KBTBD13: variants seen among roughly 807,000 people sequenced by gnomAD.
The protein encoded by KBTBD13 is kelch repeat and BTB domain-containing protein 13.
A neutral mutation model predicts 25.4 loss-of-function variants in KBTBD13; 32 were observed. That is an observed-to-expected ratio of 1.26 (90% CI 0.95 to 1.69). The LOEUF (loss-of-function observed/expected upper bound fraction) is 1.69, where lower values mean the gene tolerates loss of function less well. Ranked by LOEUF, KBTBD13 falls within the 40% of genes most tolerant of loss-of-function variation. The probability of loss-of-function intolerance (pLI) is 0.00; values close to 1 mark genes in which losing one functional copy is unlikely to be tolerated. For synonymous variants in KBTBD13, 436 were observed against 329.8 expected (o/e 1.32, Z -3.49); for missense variants, 898 against 679.5 (o/e 1.32, Z -3.57).
Position 65,078,031 on chromosome 15 carries a change from G to C in KBTBD13, c.1216G>C (p.Val406Leu). 1 of 1,604,076 alleles carries C rather than the reference G, an allele frequency of 6.2e-7. No homozygotes were observed. The highest frequency in any genetic ancestry group is 8.5e-7 in the Non-Finnish European group (1 of 1,179,578). The change falls in exon 1 of 1, where the codon GTC becomes CTC. Residue 406 changes from valine to leucine, a missense_variant. Transcript: ENST00000432196. ...GGTGCGCGGTGACACCGTCTATACG[G>C]TCAACCGCATGTTCACGCTGCTCTA... ...AVVRGDTVYTVNRMFTLLYAI... is the reference protein window; with the variant it reads ...AVVRGDTVYTLNRMFTLLYAI...
Position 65,077,155 on chromosome 15 carries a change from GCCGCCTTCGGCCTGC to G in KBTBD13, c.341_355del (p.Ala114_Arg119delinsGly). The G allele has an allele frequency of 6.6e-7, 1 of 1,509,298 alleles. No individual in the cohort carries two copies. The highest frequency in any genetic ancestry group is 8.8e-7 in the Non-Finnish European group (1 of 1,134,150). The allele number at this position is 1,509,298 out of a possible 1,614,324, so 93.5% of individuals were successfully genotyped here. A position where few individuals can be genotyped will look rare whatever the true frequency, so the allele number is the denominator to read the frequency against. On this transcript the variant is annotated inframe_deletion, in exon 1 of 1. Transcript: ENST00000432196. ...CTGCGCATTGCTGTGCGACGCGGCC[GCCGCCTTCGGCCTGC>G]GCGACGTGTTCCACAGTGCCGCGCT...
In KBTBD13 at chr15:65,077,661, G is replaced by C; in HGVS notation, c.846G>C (p.Ala282=). The C allele has an allele frequency of 6.3e-7, 1 of 1,587,466 alleles. No individual in the cohort carries two copies. Among genetic ancestry groups the C allele is most frequent in the Non-Finnish European group, 8.5e-7 (1 of 1,172,090 alleles). Residue 282 remains alanine, a synonymous_variant, in exon 1 of 1, where the codon GCG becomes GCC. Transcript: ENST00000432196. ...CCGTGGAGCGCTACGACCCAGCCGC[G>C]GGCTGCTGGAGTTTCGTGGCCGACC... ...ISSVERYDPA[A]GCWSFVADLP... is the part of the protein sequence containing the mutation.
At position 65,077,042 on chromosome 15, in the gene KBTBD13, A is replaced by C; in HGVS notation, c.227A>C (p.Asp76Ala). 1 of 1,502,030 alleles carries C rather than the reference A, an allele frequency of 6.7e-7. No individual in the cohort carries two copies. Among genetic ancestry groups the C allele is most frequent in the Non-Finnish European group, 8.9e-7 (1 of 1,128,706 alleles). The allele number at this position is 1,502,030 out of a possible 1,614,324, so 93.0% of individuals were successfully genotyped here. The stretch of plus-strand genomic sequence containing the variant: ...GACCGGCCGGCGCTGGCGGCGGAGG[A>C]CGAGCTGCTGCAGGCCGTGGAGTGC... ...RGDRPALAAE[D>A]ELLQAVECAA... Residue 76 changes from aspartate (D) to alanine (A), a missense_variant, in exon 1 of 1, where the codon GAC becomes GCC. Physicochemically the swap from Asp to Ala is moderately radical, Grantham distance 126. Transcript: ENST00000432196.
chr15:65,078,552 T>G lies in KBTBD13; in HGVS notation c.*360T>G, dbSNP rs934428560. On this transcript the variant is annotated 3_prime_UTR_variant, in exon 1 of 1. Coordinates refer to ENST00000432196, the MANE Select transcript of KBTBD13 (RefSeq NM_001101362.3). Reference sequence around the variant, plus strand: ...TAGTAGGCAAGAATTAGGCACCTACTGTATGCCCAATACAGTGTTATGCGT... The same window carrying G: ...TAGTAGGCAAGAATTAGGCACCTACGGTATGCCCAATACAGTGTTATGCGT... 1.3e-5 allele frequency among the ~76,000 whole-genome samples: 2 copies of G among 152,220 alleles called. No individual in the cohort carries two copies. Among genetic ancestry groups the G allele is most frequent in the Admixed American group, 1.3e-4 (2 of 15,286 alleles).
chr15:65,076,759 A>G lies in KBTBD13; in HGVS notation c.-57A>G. The G allele has an allele frequency of 6.9e-7, 1 of 1,453,280 alleles. No homozygotes were observed. 90.0% of individuals were successfully genotyped at this position (1,453,280 alleles called of 1,614,324 possible). A position where few individuals can be genotyped will look rare whatever the true frequency, so the allele number is the denominator to read the frequency against. On this transcript the variant is annotated 5_prime_UTR_variant, in exon 1 of 1. Transcript: ENST00000432196. ...GTTTTTTGCTCCAGGGGAGCCCCAG[A>G]GTTGGTGGCTGGCTAACCCAAGGCC...
In KBTBD13 at chr15:65,077,062, G is replaced by A. The variant is rs781438362; in HGVS notation, c.247G>A (p.Glu83Lys). The A allele has an allele frequency of 2.6e-6, 4 of 1,512,780 alleles. No individual in the cohort carries two copies. In the South Asian group the frequency reaches 3.7e-5, roughly 14 times the overall value. 93.7% of individuals were successfully genotyped at this position (1,512,780 alleles called of 1,614,324 possible). A position where few individuals can be genotyped will look rare whatever the true frequency, so the allele number is the denominator to read the frequency against. The part of the protein sequence containing the change: ...AAEDELLQAV[E>K]CAAFLQAPAL... ...GGAGGACGAGCTGCTGCAGGCCGTG[G>A]AGTGCGCCGCCTTCCTCCAGGCGCC... The change falls in exon 1 of 1, where the codon GAG (glutamate) becomes AAG (lysine). Residue 83 changes from glutamate to lysine, a missense_variant. Coordinates refer to ENST00000432196, the MANE Select transcript of KBTBD13 (RefSeq NM_001101362.3).
chr15:65,077,688 G>A lies in KBTBD13; in HGVS notation c.873G>A (p.Leu291=). ...GCTGCTGGAGTTTCGTGGCCGACCT[G>A]CCGCAGCCGGCCGCCGGCGTGCCCT... ...AAGCWSFVAD[L]PQPAAGVPCA... Residue 291 remains leucine, a synonymous_variant, in exon 1 of 1, where the codon CTG becomes CTA. Coordinates refer to ENST00000432196, the MANE Select transcript of KBTBD13 (RefSeq NM_001101362.3). 6.3e-7 allele frequency: 1 copy of A among 1,576,854 alleles called. No individual in the cohort carries two copies. Among genetic ancestry groups the A allele is most frequent in the Non-Finnish European group, 8.6e-7 (1 of 1,166,986 alleles).
Position 65,077,773 on chromosome 15 carries a change from G to C in KBTBD13, c.958G>C (p.Val320Leu), listed in dbSNP as rs367648853. The C allele has an allele frequency of 3.8e-6, 6 of 1,582,998 alleles. No homozygotes were observed. The highest frequency in any genetic ancestry group is 1.8e-5 in the Admixed American group (1 of 56,478). ...CLWRPADTTA[V>L]VEYAVRTDAW... ...GTGGCGGCCGGCCGACACCACCGCC[G>C]TGGTGGAGTACGCAGTGCGGACCGA... The change falls in exon 1 of 1, where the codon GTG becomes CTG. Residue 320 changes from valine to leucine, a missense_variant. Val to Leu is a conservative substitution (Grantham distance 32). Transcript: ENST00000432196.
chr15:65,077,365 G>C lies in KBTBD13; in HGVS notation c.550G>C (p.Glu184Gln). 1 of 1,504,592 alleles carries C rather than the reference G, an allele frequency of 6.6e-7. No individual in the cohort carries two copies. Among genetic ancestry groups the C allele is most frequent in the Admixed American group, 2.1e-5 (1 of 48,134 alleles). The allele number at this position is 1,504,592 out of a possible 1,614,324, so 93.2% of individuals were successfully genotyped here. A position where few individuals can be genotyped will look rare whatever the true frequency, so the allele number is the denominator to read the frequency against. The change falls in exon 1 of 1, where the codon GAG (glutamate) becomes CAG (glutamine). Residue 184 changes from glutamate (E) to glutamine (Q), a missense_variant. Coordinates refer to ENST00000432196, the MANE Select transcript of KBTBD13 (RefSeq NM_001101362.3). ...CACGCTGTGTTACCTGGACGAGGAA[G>C]AGGACGCGTGGCGCACGCTGGCTGC... ...SRTLCYLDEE[E>Q]DAWRTLAALP...
rs755476256 is a variant in KBTBD13 at position 65,078,106 on chromosome 15, C to T, written c.1291C>T (p.Pro431Ser). ...GCTGCTCAGGGAGAAAGCCGGCTTC[C>T]CGCGGCCCGGCTCCTTGCAGACCTT... The part of the protein sequence containing the change: ...WRLLREKAGF[P>S]RPGSLQTFLL... Residue 431 changes from proline to serine, a missense_variant, in exon 1 of 1, where the codon CCG (proline) becomes TCG (serine). Pro to Ser is a moderately conservative substitution (Grantham distance 74). Coordinates refer to ENST00000432196, the MANE Select transcript of KBTBD13 (RefSeq NM_001101362.3). 1.1e-5 allele frequency: 18 copies of T among 1,580,188 alleles called. No individual in the cohort carries two copies. The highest frequency in any genetic ancestry group is 3.4e-5 in the South Asian group (3 of 87,756).
Position 65,077,145 on chromosome 15 carries a change from C to G in KBTBD13, c.330C>G (p.Cys110Trp). Residue 110 changes from cysteine to tryptophan, a missense_variant, in exon 1 of 1, where the codon TGC becomes TGG. Transcript: ENST00000432196. ...CGTCGGACAACTGCGCATTGCTGTG[C>G]GACGCGGCCGCCGCCTTCGGCCTGC... Reference protein sequence around the residue: ...NLTSDNCALLCDAAAAFGLRD... With the variant: ...NLTSDNCALLWDAAAAFGLRD... 6.6e-7 allele frequency: 1 copy of G among 1,514,686 alleles called. No individual in the cohort carries two copies. Among genetic ancestry groups the G allele is most frequent in the South Asian group, 1.2e-5 (1 of 81,874 alleles). 93.8% of individuals were successfully genotyped at this position (1,514,686 alleles called of 1,614,324 possible).
rs1240658688 is a variant in KBTBD13 at position 65,077,056 on chromosome 15, GC to G, written c.243del (p.Val82TrpfsTer79). 14 of 1,513,312 alleles carry G rather than the reference GC, an allele frequency of 9.3e-6. No homozygotes were observed. The highest frequency in any genetic ancestry group is 1.2e-5 in the Non-Finnish European group (14 of 1,133,008). The allele number at this position is 1,513,312 out of a possible 1,614,324, so 93.7% of individuals were successfully genotyped here. On this transcript the variant is annotated frameshift_variant, in exon 1 of 1. Transcript: ENST00000432196. LOFTEE classifies it high-confidence loss of function. ...ALAAEDELLQ[A>X]VECAAFLQAP... ...GGCGGCGGAGGACGAGCTGCTGCAG[GC>G]CGTGGAGTGCGCCGCCTTCCTCCAG... is the stretch of plus-strand genomic sequence containing the variant.
In KBTBD13 at chr15:65,077,609, G is replaced by A. The variant is rs146917406; in HGVS notation, c.794G>A (p.Gly265Asp). The A allele has an allele frequency of 0.012, 19,194 of 1,582,006 alleles. 169 individuals carry two copies. The highest frequency in any genetic ancestry group is 0.014 in the Non-Finnish European group (16,938 of 1,170,954). The part of the protein sequence containing the change: ...GFDGRLYAIG[G>D]EFQRTPISSV... ...GACGGCCGCCTCTACGCCATCGGCG[G>A]CGAATTCCAGAGGACGCCCATCAGC... Residue 265 changes from glycine to aspartate, a missense_variant, in exon 1 of 1, where the codon GGC (glycine) becomes GAC (aspartate). By Grantham distance (94) the Gly-to-Asp change is moderately conservative. Coordinates refer to ENST00000432196, the MANE Select transcript of KBTBD13 (RefSeq NM_001101362.3).
Position 65,077,253 on chromosome 15 carries a change from C to T in KBTBD13, c.438C>T (p.Arg146=), listed in dbSNP as rs1460892153. 2.1e-6 allele frequency: 3 copies of T among 1,411,716 alleles called. No homozygotes were observed. Among genetic ancestry groups the T allele is most frequent in the Admixed American group, 3.0e-5 (1 of 33,022 alleles). The allele number at this position is 1,411,716 out of a possible 1,614,324, so 87.4% of individuals were successfully genotyped here. The part of the protein sequence containing the change: ...LAAELALPEA[R]AYVAALRPSS... ...CCGAACTGGCGCTGCCTGAGGCCCG[C>T]GCCTACGTGGCGGCCCTGCGGCCCA... The change falls in exon 1 of 1, where the codon CGC becomes CGT. Residue 146 remains arginine (R), a synonymous_variant. Coordinates refer to ENST00000432196, the MANE Select transcript of KBTBD13 (RefSeq NM_001101362.3).
Position 65,077,734 on chromosome 15 carries a change from C to G in KBTBD13, c.919C>G (p.Leu307Val). The change falls in exon 1 of 1, where the codon CTC becomes GTC. Residue 307 changes from leucine to valine, a missense_variant. By Grantham distance (32) the Leu-to-Val change is conservative (BLOSUM62 1). Transcript: ENST00000432196. ...GVPCAQACGR[L>V]FVCLWRPADT... Reference sequence around the variant, plus strand: ...GCCCTGCGCCCAGGCTTGTGGCCGTCTCTTCGTGTGCCTGTGGCGGCCGGC... The same window carrying G: ...GCCCTGCGCCCAGGCTTGTGGCCGTGTCTTCGTGTGCCTGTGGCGGCCGGC... 1 of 1,584,344 alleles carries G rather than the reference C, an allele frequency of 6.3e-7. No individual in the cohort carries two copies. Among genetic ancestry groups the G allele is most frequent in the East Asian group, 2.3e-5 (1 of 43,594 alleles).
Position 65,079,004 on chromosome 15 carries a change from T to G in KBTBD13, c.*812T>G, listed in dbSNP as rs2087015539. ...GGGGCATCTAGAGAGGGGATGAGAC[T>G]GGGCCAGCTTGCAGCAGATAATGAC... On this transcript the variant is annotated 3_prime_UTR_variant, in exon 1 of 1. Transcript: ENST00000432196. Among the ~76,000 whole-genome samples, 1 of 152,162 alleles carries G rather than the reference T, an allele frequency of 6.6e-6. No individual in the cohort carries two copies. The highest frequency in any genetic ancestry group is 6.6e-5 in the Admixed American group (1 of 15,264).
rs773085730 is a variant in KBTBD13 at position 65,078,024 on chromosome 15, C to T, written c.1209C>T (p.Val403=). The part of the protein sequence containing the change: ...LFTAVVRGDT[V]YTVNRMFTLL... ...CGGCCGTGGTGCGCGGTGACACCGT[C>T]TATACGGTCAACCGCATGTTCACGC... The change falls in exon 1 of 1, where the codon GTC becomes GTT. Residue 403 remains valine, a synonymous_variant. Transcript: ENST00000432196. The T allele has an allele frequency of 6.2e-7, 1 of 1,604,586 alleles. No individual in the cohort carries two copies. The highest frequency in any genetic ancestry group is 1.3e-5 in the African/African-American group (1 of 74,934).
rs775940623 is a variant in KBTBD13 at position 65,077,373 on chromosome 15, G to C, written c.558G>C (p.Ala186=). 7 of 1,511,042 alleles carry C rather than the reference G, an allele frequency of 4.6e-6. No individual in the cohort carries two copies. Among genetic ancestry groups the C allele is most frequent in the African/African-American group, 2.8e-5 (2 of 71,418 alleles). 93.6% of individuals were successfully genotyped at this position (1,511,042 alleles called of 1,614,324 possible). Residue 186 remains alanine, a synonymous_variant, in exon 1 of 1, where the codon GCG becomes GCC. Coordinates refer to ENST00000432196, the MANE Select transcript of KBTBD13 (RefSeq NM_001101362.3). ...TLCYLDEEED[A]WRTLAALPLE... is the part of the protein sequence containing the mutation. ...GTTACCTGGACGAGGAAGAGGACGC[G>C]TGGCGCACGCTGGCTGCGCTGCCCC...
rs533486455 is a variant in KBTBD13, at chr15:65,079,561, C to T, written c.*1369C>T. On this transcript the variant is annotated 3_prime_UTR_variant, in exon 1 of 1. Transcript: ENST00000432196. ...GGCTACAGAGGCCACTAGTTAGGAA[C>T]CTAGTGCTGACCTCTGTTGTTGGAT... Among the ~76,000 whole-genome samples the T allele has an allele frequency of 1.3e-5, 2 of 152,356 alleles. No individual in the cohort carries two copies. Among genetic ancestry groups the T allele is most frequent in the South Asian group, 2.1e-4 (1 of 4,822 alleles).
Sources: gnomAD v4.1 joint callset for allele counts (sites outside exome capture counted in the v4.1 genomes callset) on GRCh38, gnomAD v4.1.1 for gene constraint, MANE v1.5 for transcripts, NCBI Gene and HGNC (gene_info 2026-07-23, HGNC 2026-07-21) for gene names.